Variants in HS3ST4 observed in about 807,000 individuals in gnomAD.
HS3ST4 encodes heparan sulfate-glucosamine 3-sulfotransferase 4, also known as heparan sulfate glucosamine 3-O-sulfotransferase 4.
HS3ST4 carries 17 observed loss-of-function variants against 29.2 expected under a neutral mutation model. The ratio of observed to expected loss-of-function variants is 0.58; its 90% CI spans 0.40 to 0.87. The LOEUF is 0.87. Among genes scored for constraint, HS3ST4 ranks in the 40% least tolerant of loss-of-function variants. HS3ST4 has a pLI of 0.00. For missense variants in HS3ST4, 627 were observed against 634.5 expected (o/e 0.99, Z 0.13); for synonymous variants, 314 against 285.7 (o/e 1.10, Z -1.00).
intron 1 of HS3ST4, among the ~76,000 whole-genome samples, chr16:25,811,246 C>G (rs967082851): frequency 6.6e-6 from 1 of 152,028 alleles, no homozygotes; most frequent in Admixed American, 6.6e-5. Flanking sequence ...CCTCTTCCAC[C>G]TCTGTCAACC....
intron 1 of HS3ST4, among the ~76,000 whole-genome samples, chr16:25,829,189 G>C (rs1220986834): frequency 6.6e-6 from 1 of 152,154 alleles, no homozygotes; most frequent in East Asian, 1.9e-4. Flanking sequence ...CACTTGATTG[G>C]GAGAAGCCTC....
intron 1 of HS3ST4, among the ~76,000 whole-genome samples, chr16:25,747,798 G>A (rs1966694161): frequency 6.6e-6 from 1 of 152,168 alleles, no homozygotes. Flanking sequence ...CGTAGTTGGA[G>A]TCTTACTAGA....
chr16:25,788,164 A>G (rs1966860339), intron 1 of HS3ST4, among the ~76,000 whole-genome samples: 1 of 152,126 alleles, frequency 6.6e-6, no homozygotes, highest in Non-Finnish European at 1.5e-5. Flanking sequence ...TGGAATACCA[A>G]CACTTCGGGA....
Position 25,987,963 on chromosome 16 carries a change from G to A in HS3ST4, c.735-147649G>A, listed in dbSNP as rs1323458989. Reference sequence around the variant, plus strand: ...TTTTTGCACTTTTAATAGAGACGGGGTTTCACCATATTGGCCAGGCTGGTC... The same window carrying A: ...TTTTTGCACTTTTAATAGAGACGGGATTTCACCATATTGGCCAGGCTGGTC... On this transcript the variant is annotated intron_variant, in intron 1 of 1. Transcript: ENST00000331351. 3.3e-5 allele frequency among the ~76,000 whole-genome samples: 5 copies of A among 152,072 alleles called. 1 individual carries two copies. The highest frequency in any genetic ancestry group is 7.4e-5 in the Non-Finnish European group (5 of 68,016).
intron 1 of HS3ST4, among the ~76,000 whole-genome samples, chr16:25,854,889 A>G (rs945175779): frequency 1.3e-5 from 2 of 152,192 alleles, no homozygotes; most frequent in African/African-American, 2.4e-5. Context: ...GCCACATTCA[A>G]AGCCATCCTG....
chr16:26,109,391 G>A (rs547315275), intron 1 of HS3ST4, among the ~76,000 whole-genome samples: 8 of 152,282 alleles, frequency 5.3e-5, no homozygotes, highest in Admixed American at 5.2e-4. Flanking sequence ...TGTGTGGTAG[G>A]CATTATGCAT....
chr16:26,064,193 C>T (rs66972393), intron 1 of HS3ST4, among the ~76,000 whole-genome samples: 23,316 of 152,154 alleles, frequency 0.15, 1,917 homozygotes, highest in Non-Finnish European at 0.17. Flanking sequence ...CAATAGATGT[C>T]ATACAGGAGG....
At chr16:25,918,885 G>C (rs551017251) in intron 1 of HS3ST4, among the ~76,000 whole-genome samples, 20 of 152,288 alleles carry the variant, frequency 1.3e-4, no homozygotes, top group African/African-American at 4.3e-4. Context: ...TAGTATATGT[G>C]TGTGACATGG....
At chr16:26,002,128 T>C (rs942742464) in intron 1 of HS3ST4, among the ~76,000 whole-genome samples, 4 of 152,112 alleles carry the variant, frequency 2.6e-5, no homozygotes, top group African/African-American at 4.8e-5. Context: ...TGTTTGGCCA[T>C]TGATGGTTCT....
chr16:25,694,405 G>C (rs1362754248), intron 1 of HS3ST4, among the ~76,000 whole-genome samples: 1 of 152,188 alleles, frequency 6.6e-6, no homozygotes, highest in Non-Finnish European at 1.5e-5. Flanking sequence ...CTTGAGAGAA[G>C]TACACTTAGT....
At chr16:25,800,544 T>C (rs1428935466) in intron 1 of HS3ST4, among the ~76,000 whole-genome samples, 1 of 152,078 alleles carries the variant, frequency 6.6e-6, no homozygotes, top group African/African-American at 2.4e-5. Context: ...AAGCAGAAAA[T>C]GAGTTTTCCT....
intron 1 of HS3ST4, among the ~76,000 whole-genome samples, chr16:25,923,077 T>C (rs1968369696): frequency 6.6e-6 from 1 of 152,230 alleles, no homozygotes; most frequent in South Asian, 2.1e-4. Flanking sequence ...CTCTACTACA[T>C]AAAGTTTACC....
chr16:25,725,033 CTT>C (rs5816321), intron 1 of HS3ST4, among the ~76,000 whole-genome samples: 3,046 of 132,630 alleles, frequency 0.023, 122 homozygotes, highest in African/African-American at 0.08. Flanking sequence ...CTTCCTCCCT[CTT>C]TTTTTTTTTT....
intron 1 of HS3ST4, among the ~76,000 whole-genome samples, chr16:25,779,009 C>A (rs1236599371): frequency 6.6e-6 from 1 of 152,214 alleles, no homozygotes; most frequent in Non-Finnish European, 1.5e-5. Context: ...TCTACACACA[C>A]ACACACACGC....
Position 25,731,106 on chromosome 16 carries a change from G to A in HS3ST4, c.734+37955G>A, listed in dbSNP as rs541697258. 6.0e-5 allele frequency among the ~76,000 whole-genome samples: 9 copies of A among 151,246 alleles called. No homozygotes were observed. The South Asian group carries it at 1.7e-3, about 28-fold the overall frequency. On this transcript the variant is annotated intron_variant, in intron 1 of 1. Coordinates refer to ENST00000331351, the MANE Select transcript of HS3ST4 (RefSeq NM_006040.3). ...GTGCCCAGTGTTGCCAGCTGAGGAC[G>A]CTTGCCTGAGGCTTGGTGTCCCGAA...
At chr16:25,783,068 G>C (rs142976689) in intron 1 of HS3ST4, among the ~76,000 whole-genome samples, 64 of 152,250 alleles carry the variant, frequency 4.2e-4, no homozygotes, top group Non-Finnish European at 8.4e-4. Flanking sequence ...AGGGTTGGGA[G>C]CCATGTAGCC....
intron 1 of HS3ST4, among the ~76,000 whole-genome samples, chr16:26,001,127 CAT>C (rs1419738736): frequency 2.0e-5 from 3 of 152,084 alleles, no homozygotes; most frequent in East Asian, 3.9e-4. Context: ...AAATTTATGT[CAT>C]ATTTTAAGTC....
Position 25,903,302 on chromosome 16 carries a change from G to GTGTGTGTGTGTA in HS3ST4, c.734+210152_734+210153insGTGTGTGTGTAT, listed in dbSNP as rs151301516. 5.4e-3 allele frequency among the ~76,000 whole-genome samples: 556 copies of GTGTGTGTGTGTA among 103,480 alleles called. 12 individuals carry two copies. The highest frequency in any genetic ancestry group is 0.019 in the African/African-American group (489 of 26,314). The allele number at this position is 103,480 out of a possible 152,430, so 67.9% of individuals were successfully genotyped here. A position where few individuals can be genotyped will look rare whatever the true frequency, so the allele number is the denominator to read the frequency against. On this transcript the variant is annotated intron_variant, in intron 1 of 1. Transcript: ENST00000331351. ...TGTGTGTGTGTGTGTGTGTGTGTGT[G>GTGTGTGTGTGTA]TATGTATATGTATATATTATATATA...
intron 1 of HS3ST4, among the ~76,000 whole-genome samples, chr16:25,814,169 A>G (rs1967069108): frequency 6.6e-6 from 1 of 152,252 alleles, no homozygotes; most frequent in Admixed American, 6.5e-5. Flanking sequence ...AAATGGAATT[A>G]CATGGCTTCA....
Sources: allele counts gnomAD v4.1 joint callset (sites outside exome capture counted in the v4.1 genomes callset), GRCh38; gene constraint gnomAD v4.1.1; transcripts MANE v1.5; gene names NCBI Gene and HGNC (gene_info 2026-07-23, HGNC 2026-07-21).